The following MACROD2 variants were observed in gnomAD, a reference collection of about 807,000 sequenced individuals.
The protein encoded by MACROD2 is ADP-ribose glycohydrolase MACROD2.
MACROD2 carries 36 observed loss-of-function variants against 70.4 expected under a neutral mutation model. That is an observed-to-expected ratio of 0.51 (90% confidence interval 0.39 to 0.68). The LOEUF is 0.68. Among genes scored for constraint, MACROD2 ranks in the 30% least tolerant of loss-of-function variants. The probability of loss-of-function intolerance (pLI) is 0.00; values close to 1 mark genes in which losing one functional copy is unlikely to be tolerated. For missense variants in MACROD2, 496 were observed against 538.4 expected (o/e 0.92, Z 0.78); for synonymous variants, 172 against 178.8 (o/e 0.96, Z 0.30).
At chr20:15,649,207 CTTCTTTCTTTCTTTCT>C (rs146662837) in intron 8 of MACROD2, among the ~76,000 whole-genome samples, 87,048 of 137,550 alleles carry the variant, frequency 0.63, 27,771 homozygotes, top group African/African-American at 0.7. Context: ...TCTTTCTTTC[CTTCTTTCTTTCTTTCT>C]TTCTTTCTTT....
chr20:14,199,550 T>C (rs1473566641), intron 3 of MACROD2, among the ~76,000 whole-genome samples: 4 of 152,190 alleles, frequency 2.6e-5, no homozygotes, highest in Non-Finnish European at 5.9e-5. Flanking sequence ...CTTACCAAAA[T>C]ATTTTTGATT....
At chr20:15,642,205 C>G (rs912035384) in intron 8 of MACROD2, among the ~76,000 whole-genome samples, 12 of 152,178 alleles carry the variant, frequency 7.9e-5, no homozygotes, top group African/African-American at 2.9e-4. Context: ...CAGTGTAGCT[C>G]ATTTCTAGAC....
intron 6 of MACROD2, among the ~76,000 whole-genome samples, chr20:15,335,326 A>G (rs2423933): frequency 0.39 from 58,638 of 151,456 alleles, 11,982 homozygotes; most frequent in East Asian, 0.61. Flanking sequence ...AGAGCAACAT[A>G]AGAAAGACAT....
intron 8 of MACROD2, among the ~76,000 whole-genome samples, chr20:15,576,141 T>G (rs1568903859): frequency 6.6e-6 from 1 of 152,136 alleles, no homozygotes; most frequent in Non-Finnish European, 1.5e-5. Context: ...TCACTTCTTT[T>G]CTCTTTCTTT....
chr20:15,086,693 G>A (rs2075751291), intron 5 of MACROD2, among the ~76,000 whole-genome samples: 1 of 152,108 alleles, frequency 6.6e-6, no homozygotes, highest in South Asian at 2.1e-4. Context: ...TAGGGCTTAT[G>A]GAAGAGGTGA....
chr20:15,435,998 G>A (rs1360624078), intron 7 of MACROD2, among the ~76,000 whole-genome samples: 1 of 152,112 alleles, frequency 6.6e-6, no homozygotes, highest in Non-Finnish European at 1.5e-5. Flanking sequence ...AAATTTACAA[G>A]TGAGACTGAT....
intron 5 of MACROD2, among the ~76,000 whole-genome samples, chr20:15,120,164 A>G (rs983600236): frequency 2.6e-5 from 4 of 152,214 alleles, no homozygotes; most frequent in Admixed American, 2.0e-4. Context: ...AGGTAAAGAT[A>G]TTAGCATGAT....
At chr20:14,216,251 G>A (rs1284636187) in intron 3 of MACROD2, among the ~76,000 whole-genome samples, 1 of 151,958 alleles carries the variant, frequency 6.6e-6, no homozygotes, top group Non-Finnish European at 1.5e-5. Context: ...ACCACCATTT[G>A]TTGAAAAGGG....
intron 5 of MACROD2, among the ~76,000 whole-genome samples, chr20:14,725,155 T>C (rs2071513970): frequency 6.6e-6 from 1 of 152,138 alleles, no homozygotes; most frequent in Non-Finnish European, 1.5e-5. Context: ...ACAACACCAT[T>C]TCCTGAGATA....
chr20:15,782,358 T>C (rs2051848001), intron 8 of MACROD2, among the ~76,000 whole-genome samples: 1 of 152,134 alleles, frequency 6.6e-6, no homozygotes, highest in Non-Finnish European at 1.5e-5. Context: ...TTGAGTGGGC[T>C]CTTCTGGGTG....
chr20:14,590,736 A>G (rs533161329), intron 4 of MACROD2, among the ~76,000 whole-genome samples: 151 of 152,160 alleles, frequency 9.9e-4, no homozygotes, highest in African/African-American at 3.5e-3. Context: ...TTTTATTTGT[A>G]TTTTCTGCTC....
chr20:15,912,252 A>G (rs899701494), intron 10 of MACROD2, among the ~76,000 whole-genome samples: 3 of 152,228 alleles, frequency 2.0e-5, no homozygotes, highest in African/African-American at 7.2e-5. Flanking sequence ...ATTGGCAGCC[A>G]CAGGGAATTA....
chr20:15,197,496 T>C (rs2076616166), intron 5 of MACROD2, among the ~76,000 whole-genome samples: 1 of 152,206 alleles, frequency 6.6e-6, no homozygotes, highest in African/African-American at 2.4e-5. Flanking sequence ...ATATAAGCCT[T>C]TCTTAATTTA....
In MACROD2 at chr20:15,834,094, C is replaced by T. The variant is rs997273349; in HGVS notation, c.646-28651C>T. Among the ~76,000 whole-genome samples the T allele has an allele frequency of 1.5e-4, 23 of 152,170 alleles. 1 individual carries two copies. The highest frequency in any genetic ancestry group is 6.5e-5 in the Admixed American group (1 of 15,282). On this transcript the variant is annotated intron_variant, in intron 8 of 17. Coordinates refer to ENST00000684519, the MANE Select transcript of MACROD2 (RefSeq NM_001351661.2). ...ATTCAGTGAGTCTATAACACAGAAA[C>T]TTACCTGTGTCCTGTAAAGTTAAAT...
chr20:15,021,137 C>CAG lies in MACROD2; in HGVS notation c.419-208803_419-208802insAG, dbSNP rs1367139569. On this transcript the variant is annotated intron_variant, in intron 5 of 17. Coordinates refer to ENST00000684519, the MANE Select transcript of MACROD2 (RefSeq NM_001351661.2). Reference sequence around the variant, plus strand: ...GTGTATACACGTGTGTATACACATACGTGTGTGTATACACACACCTGTGTG... The same window carrying CAG: ...GTGTATACACGTGTGTATACACATACAGGTGTGTGTATACACACACCTGTGTG... Among the ~76,000 whole-genome samples, 391 of 90,896 alleles carry CAG rather than the reference C, an allele frequency of 4.3e-3. 20 individuals carry two copies. The highest frequency in any genetic ancestry group is 6.7e-3 in the Non-Finnish European group (287 of 42,910). 59.6% of individuals were successfully genotyped at this position (90,896 alleles called of 152,430 possible). A position where few individuals can be genotyped will look rare whatever the true frequency, so the allele number is the denominator to read the frequency against.
At chr20:15,788,372 G>T (rs1245009926) in intron 8 of MACROD2, among the ~76,000 whole-genome samples, 3 of 152,178 alleles carry the variant, frequency 2.0e-5, no homozygotes. Flanking sequence ...TGGAACTGAA[G>T]TTCTTAAGAG....
intron 5 of MACROD2, among the ~76,000 whole-genome samples, chr20:14,873,979 T>C (rs2073519716): frequency 6.6e-6 from 1 of 152,178 alleles, no homozygotes; most frequent in East Asian, 1.9e-4. Context: ...TTGTGTTCAA[T>C]TGAGTCAACC....
intron 8 of MACROD2, among the ~76,000 whole-genome samples, chr20:15,641,433 A>C (rs1211626880): frequency 2.0e-5 from 3 of 152,180 alleles, no homozygotes; most frequent in Non-Finnish European, 4.4e-5. Flanking sequence ...TCATGCCTCT[A>C]TGGAGGACAT....
intron 8 of MACROD2, among the ~76,000 whole-genome samples, chr20:15,720,570 A>C (rs1247450834): frequency 6.6e-6 from 1 of 152,166 alleles, no homozygotes; most frequent in Non-Finnish European, 1.5e-5. Flanking sequence ...CTCGTTAGAG[A>C]TGCAATTTGT....
Sources: gnomAD v4.1 joint callset for allele counts (sites outside exome capture counted in the v4.1 genomes callset) on GRCh38, gnomAD v4.1.1 for gene constraint, MANE v1.5 for transcripts, NCBI Gene and HGNC (gene_info 2026-07-23, HGNC 2026-07-21) for gene names.